FGD2: variants seen among roughly 807,000 people sequenced by gnomAD.
FGD2 encodes the protein FYVE, RhoGEF and PH domain-containing protein 2.
Under a neutral mutation model 75.9 loss-of-function variants are expected in FGD2, and 52 were observed. That is an observed-to-expected ratio of 0.69 (90% CI 0.55 to 0.86). The LOEUF is 0.86. FGD2 is among the 40% of genes least tolerant of loss of function. The pLI is 0.00. For missense variants in FGD2, 790 were observed against 872.0 expected, an observed-to-expected ratio of 0.91 and a Z score of 1.18; for synonymous variants, 347 against 348.6, an observed-to-expected ratio of 1.00 and a Z score of 0.05.
intron 6 of FGD2, 85 bp from the exon 7 acceptor site, chr6:37,014,561 G>A (rs542721920): frequency 2.7e-6 from 4 of 1,497,368 alleles, no homozygotes; most frequent in Admixed American, 1.7e-5. Flanking sequence ...GGTCCTGAGG[G>A]CCCTTTGTTG....
intron 9 of FGD2, 121 bp from the exon 10 acceptor site, chr6:37,020,420 T>A (rs56016101): frequency 0.073 from 68,030 of 935,926 alleles, 5,036 homozygotes; most frequent in East Asian, 0.39. Context: ...AAGCTCTGCA[T>A]CCCTGTCTCT....
chr6:37,028,034 G>T lies in FGD2; in HGVS notation c.1839G>T (p.Gln613His), dbSNP rs370793358. 7.4e-6 allele frequency: 12 copies of T among 1,613,974 alleles called. No individual in the cohort carries two copies. In the African/African-American group the frequency reaches 1.6e-4, roughly 22 times the overall value. The stretch of plus-strand genomic sequence containing the variant: ...GGGACCCTCGGGTCTTCCAGCTACA[G>T]CAGTCAGGCCAGCTCTACACCTTCA... ...PQGDPRVFQL[Q>H]QSGQLYTFKA... is the part of the protein sequence containing the mutation. The change falls in exon 16 of 16, where the codon CAG becomes CAT. Residue 613 changes from glutamine to histidine, a missense_variant. Physicochemically the swap from Gln to His is conservative, Grantham distance 24 (BLOSUM62 0). Transcript: ENST00000274963.
At chr6:37,019,692 A>C (rs1765470175) in intron 9 of FGD2, among the ~76,000 whole-genome samples, 1 of 152,074 alleles carries the variant, frequency 6.6e-6, no homozygotes, top group Admixed American at 6.6e-5. Context: ...GGGGCTGAAA[A>C]CCTGGGGTGG....
chr6:37,022,601 T>C (rs976935955), intron 13 of FGD2: 11 of 479,414 alleles, frequency 2.3e-5, no homozygotes, highest in Admixed American at 4.6e-5. Flanking sequence ...CCACCTAGGC[T>C]TCCACTTGAT....
intron 3 of FGD2, 107 bp from the exon 4 acceptor site, chr6:37,011,599 A>G (rs1765007730): frequency 4.1e-6 from 6 of 1,460,330 alleles, no homozygotes; most frequent in Non-Finnish European, 4.7e-6. Context: ...CCGGGAGATC[A>G]GGGAGGTGGA....
chr6:37,023,439 C>T (rs1765682646), intron 13 of FGD2: 1 of 152,334 alleles, frequency 6.6e-6, no homozygotes, highest in South Asian at 2.1e-4. Context: ...TACAGTTTCT[C>T]CTCTTATCAA....
intron 4 of FGD2, 24 bp from the exon 5 acceptor site, chr6:37,013,585 G>A (rs1248938432): frequency 6.2e-7 from 1 of 1,608,744 alleles, no homozygotes; most frequent in South Asian, 1.1e-5. Context: ...TAGGCTGAGG[G>A]CAATCCCTGT....
Position 37,028,523 on chromosome 6 carries a change from A to G in FGD2, c.*360A>G, listed in dbSNP as rs1448628479. ...TTTAAAGAGTACTGGTGAAAAACAC[A>G]TAGTAAATTAATTTTAAAAATGTAA... On this transcript the variant is annotated 3_prime_UTR_variant, in exon 16 of 16. Transcript: ENST00000274963. The G allele has an allele frequency of 8.7e-6, 2 of 230,034 alleles. No homozygotes were observed. Among genetic ancestry groups the G allele is most frequent in the African/African-American group, 2.3e-5 (1 of 44,322 alleles). 14.2% of individuals were successfully genotyped at this position (230,034 alleles called of 1,614,324 possible).
intron 4 of FGD2, 156 bp from the exon 5 acceptor site, chr6:37,013,453 G>T (rs1033338371): frequency 4.2e-6 from 6 of 1,433,708 alleles, no homozygotes; most frequent in Non-Finnish European, 4.6e-6. Context: ...GAGTAGAGGG[G>T]CGCATGTGAG....
chr6:37,028,329 A>C lies in FGD2; in HGVS notation c.*166A>C. ...GTGTCCCGATCTGGGATTAGAAAAT[A>C]TGGGTCCATTCCTTTCTAGAAAGGG... is the stretch of plus-strand genomic sequence containing the variant. On this transcript the variant is annotated 3_prime_UTR_variant, in exon 16 of 16. Coordinates refer to ENST00000274963, the MANE Select transcript of FGD2 (RefSeq NM_173558.4). 1 of 658,848 alleles carries C rather than the reference A, an allele frequency of 1.5e-6. No individual in the cohort carries two copies. Among genetic ancestry groups the C allele is most frequent in the Non-Finnish European group, 2.5e-6 (1 of 400,728 alleles). 40.8% of individuals were successfully genotyped at this position (658,848 alleles called of 1,614,324 possible). A position where few individuals can be genotyped will look rare whatever the true frequency, so the allele number is the denominator to read the frequency against.
rs781530786 is a variant in FGD2 at position 37,027,429 on chromosome 6, A to C, written c.1606A>C (p.Lys536Gln). ...TGACAGTCCCTCCTTCTGGTTTTAG[A>C]AAGGGTCCTCAGCCACGCCTGACCA... ...KEDKRRGILE[K>Q]GSSATPDQSL... Residue 536 changes from lysine (K) to glutamine (Q), a missense_variant and splice_region_variant, in exon 15 of 16, where the codon AAA becomes CAA. Lys to Gln is a moderately conservative substitution (Grantham distance 53, BLOSUM62 1). Transcript: ENST00000274963. 5.6e-6 allele frequency: 9 copies of C among 1,601,490 alleles called. No homozygotes were observed. The highest frequency in any genetic ancestry group is 7.7e-6 in the Non-Finnish European group (9 of 1,171,092).
At chr6:37,026,462 A>C in intron 14 of FGD2, 59 of 949,194 alleles carry the variant, frequency 6.2e-5, no homozygotes, top group Non-Finnish European at 7.2e-5. Flanking sequence ...CTCTGATCTC[A>C]GTCACAGATG....
rs1213757588 is a variant in FGD2 at position 37,027,663 on chromosome 6, T to G, written c.1752+88T>G. The G allele has an allele frequency of 2.7e-6, 4 of 1,497,250 alleles. No individual in the cohort carries two copies. The Admixed American group carries it at 5.7e-5, about 21-fold the overall frequency. The allele number at this position is 1,497,250 out of a possible 1,614,324, so 92.7% of individuals were successfully genotyped here. On this transcript the variant is annotated intron_variant, in intron 15 of 15. Transcript: ENST00000274963. The stretch of plus-strand genomic sequence containing the variant: ...GGGGTCAGGGGTGAGTATTGCTAGC[T>G]CCATATGTCAGATAGGGAAACTGAG...
Position 37,027,433 on chromosome 6 carries a change from G to C in FGD2, c.1610G>C (p.Gly537Ala). ...AGTCCCTCCTTCTGGTTTTAGAAAG[G>C]GTCCTCAGCCACGCCTGACCAGAGC... ...EDKRRGILEKGSSATPDQSLM... is the reference protein window; with the variant it reads ...EDKRRGILEKASSATPDQSLM... The change falls in exon 15 of 16, where the codon GGG (glycine) becomes GCG (alanine). Residue 537 changes from glycine (G) to alanine (A), a missense_variant. Gly to Ala is a moderately conservative substitution (Grantham distance 60). Transcript: ENST00000274963. The C allele has an allele frequency of 6.2e-7, 1 of 1,603,374 alleles. No individual in the cohort carries two copies. Among genetic ancestry groups the C allele is most frequent in the Non-Finnish European group, 8.5e-7 (1 of 1,172,328 alleles).
At chr6:37,025,770 C>A in intron 13 of FGD2, 22 bp from the exon 14 acceptor site, 8 of 1,613,862 alleles carry the variant, frequency 5.0e-6, no homozygotes, top group Non-Finnish European at 6.8e-6. Context: ...CAGCCCCATG[C>A]CCCCTTATGT....
intron 3 of FGD2, 21 bp downstream of exon 3, chr6:37,011,071 C>T (rs1366399746): frequency 6.2e-7 from 1 of 1,612,260 alleles, no homozygotes; most frequent in Non-Finnish European, 8.5e-7. Context: ...AGGACACCCC[C>T]CTCTAGAGCC....
intron 3 of FGD2, chr6:37,011,380 G>A (rs887062105): frequency 1.1e-5 from 6 of 547,914 alleles, no homozygotes; most frequent in African/African-American, 1.9e-5. Flanking sequence ...AGTTTTTCAG[G>A]AGCCCTAAGG....
intron 5 of FGD2, 36 bp downstream of exon 5, chr6:37,013,801 C>T: frequency 6.2e-7 from 1 of 1,610,430 alleles, no homozygotes; most frequent in Non-Finnish European, 8.5e-7. Flanking sequence ...AGCATTGCCA[C>T]TCCCAGCATG....
chr6:37,008,834 G>A lies in FGD2; in HGVS notation c.69G>A (p.Arg23=). 1 of 1,579,890 alleles carries A rather than the reference G, an allele frequency of 6.3e-7. No homozygotes were observed. Among genetic ancestry groups the A allele is most frequent in the Non-Finnish European group, 8.6e-7 (1 of 1,160,108 alleles). ...CCTCAGGTCTGTCTCTTCTCCTCAG[G>A]ACCCCAGAAGCAGCACCCAGAGGCC... ...SNLVTVFENS[R]TPEAAPRGQR... is the part of the protein sequence containing the mutation. Residue 23 remains arginine (R), a splice_region_variant and synonymous_variant, in exon 2 of 16, where the codon AGG becomes AGA. Transcript: ENST00000274963.
Sources: gnomAD v4.1 joint callset for allele counts (sites outside exome capture counted in the v4.1 genomes callset) on GRCh38, gnomAD v4.1.1 for gene constraint, MANE v1.5 for transcripts, NCBI Gene and HGNC (gene_info 2026-07-23, HGNC 2026-07-21) for gene names.